Variants in SCHIP1 observed in about 807,000 individuals in gnomAD.
The protein encoded by SCHIP1 is schwannomin-interacting protein 1.
Under a neutral mutation model 29.7 loss-of-function variants are expected in SCHIP1, and 8 were observed. That is an observed-to-expected ratio of 0.27 (90% confidence interval 0.16 to 0.49). The LOEUF (loss-of-function observed/expected upper bound fraction) is 0.49. Among genes scored for constraint, SCHIP1 ranks in the 20% least tolerant of loss-of-function variants. The pLI, the probability that SCHIP1 is intolerant of heterozygous loss-of-function variation, is 0.99. For missense variants in SCHIP1, 193 were observed against 294.6 expected (o/e 0.66, Z 2.52); for synonymous variants, 76 against 94.9 (o/e 0.80, Z 1.16).
chr3:159,738,674 A>G, the SCHIP1 span, among the ~76,000 whole-genome samples: 2 of 152,234 alleles, frequency 1.3e-5, no homozygotes, highest in Admixed American at 1.3e-4. Flanking sequence ...ACAACAAACA[A>G]AATATATTGT....
At chr3:159,618,910 T>C in the SCHIP1 span, among the ~76,000 whole-genome samples, 2 of 152,206 alleles carry the variant, frequency 1.3e-5, no homozygotes, top group Non-Finnish European at 2.9e-5. Flanking sequence ...TCCCCTTTGA[T>C]TGGCCAAATA....
At chr3:159,556,330 C>T in the SCHIP1 span, among the ~76,000 whole-genome samples, 1 of 152,190 alleles carries the variant, frequency 6.6e-6, no homozygotes, top group African/African-American at 2.4e-5. Context: ...GGACTGTAAA[C>T]TAGTTCAACC....
the SCHIP1 span, among the ~76,000 whole-genome samples, chr3:159,505,046 G>C: frequency 6.6e-6 from 1 of 152,186 alleles, no homozygotes; most frequent in Non-Finnish European, 1.5e-5. Flanking sequence ...CATCTGCAAA[G>C]ACCAGGAAGA....
chr3:159,748,921 T>C, the SCHIP1 span, among the ~76,000 whole-genome samples: 8 of 152,316 alleles, frequency 5.3e-5, no homozygotes, highest in Admixed American at 5.2e-4. Context: ...TTTTTTACAA[T>C]AGTTACCAAT....
At chr3:159,360,886 T>C in the SCHIP1 span, among the ~76,000 whole-genome samples, 1 of 152,212 alleles carries the variant, frequency 6.6e-6, no homozygotes, top group Admixed American at 6.5e-5. Flanking sequence ...GTCTCTACTC[T>C]CAAGAGGCAA....
At chr3:159,527,027 C>T in the SCHIP1 span, among the ~76,000 whole-genome samples, 3 of 152,206 alleles carry the variant, frequency 2.0e-5, no homozygotes, top group Non-Finnish European at 2.9e-5. Context: ...GACATACACA[C>T]AGTCATATCT....
chr3:159,443,669 C>T, the SCHIP1 span, among the ~76,000 whole-genome samples: 1 of 152,102 alleles, frequency 6.6e-6, no homozygotes, highest in Non-Finnish European at 1.5e-5. Flanking sequence ...CCACCATGCC[C>T]AGCTAATTTT....
the SCHIP1 span, among the ~76,000 whole-genome samples, chr3:159,449,199 A>G: frequency 6.6e-5 from 10 of 152,118 alleles, no homozygotes; most frequent in African/African-American, 2.2e-4. Flanking sequence ...TTACACTTAA[A>G]TCAATATTTA....
intron 5 of SCHIP1, among the ~76,000 whole-genome samples, chr3:159,889,834 T>C (rs1479259439): frequency 6.6e-6 from 1 of 152,142 alleles, no homozygotes; most frequent in African/African-American, 2.4e-5. Context: ...CGGTGGCTCA[T>C]GCCTGTGATC....
chr3:159,583,220 G>T, the SCHIP1 span, among the ~76,000 whole-genome samples: 1 of 152,058 alleles, frequency 6.6e-6, no homozygotes, highest in Admixed American at 6.6e-5. Flanking sequence ...GGGTATGTAA[G>T]TGACTTTTCT....
the SCHIP1 span, among the ~76,000 whole-genome samples, chr3:159,705,928 G>T: frequency 6.6e-5 from 10 of 151,860 alleles, no homozygotes; most frequent in Non-Finnish European, 1.2e-4. Flanking sequence ...GCTGGTCTCG[G>T]AGTCCTGACC....
chr3:159,376,960 AT>A, the SCHIP1 span, among the ~76,000 whole-genome samples: 1 of 152,194 alleles, frequency 6.6e-6, no homozygotes, highest in Non-Finnish European at 1.5e-5. Flanking sequence ...TATCTGATTA[AT>A]TTTGTAAGCT....
the SCHIP1 span, among the ~76,000 whole-genome samples, chr3:159,478,216 C>A: frequency 4.1e-4 from 63 of 152,124 alleles, no homozygotes; most frequent in African/African-American, 1.5e-3. Context: ...AGCCACCACA[C>A]CCAGCCTTAA....
chr3:159,821,218 C>T, the SCHIP1 span, among the ~76,000 whole-genome samples: 1 of 151,828 alleles, frequency 6.6e-6, no homozygotes, highest in Non-Finnish European at 1.5e-5. Flanking sequence ...AAGACAAAAG[C>T]CTGATTGGAA....
chr3:159,541,990 A>G, the SCHIP1 span, among the ~76,000 whole-genome samples: 8 of 152,120 alleles, frequency 5.3e-5, no homozygotes, highest in Non-Finnish European at 1.0e-4. Flanking sequence ...ATGCTCTAGC[A>G]TGAAAGTGGC....
chr3:159,619,340 C>T, the SCHIP1 span, among the ~76,000 whole-genome samples: 1 of 152,168 alleles, frequency 6.6e-6, no homozygotes, highest in Non-Finnish European at 1.5e-5. Flanking sequence ...TCTCACCAAC[C>T]CTGTGCTTTC....
the SCHIP1 span, among the ~76,000 whole-genome samples, chr3:159,348,250 A>G: frequency 6.6e-6 from 1 of 152,158 alleles, no homozygotes; most frequent in African/African-American, 2.4e-5. Flanking sequence ...CTGCCATCAG[A>G]GAATTTATCA....
At chr3:159,704,981 T>C in the SCHIP1 span, among the ~76,000 whole-genome samples, 1 of 151,686 alleles carries the variant, frequency 6.6e-6, no homozygotes, top group African/African-American at 2.4e-5. Flanking sequence ...TTTGTTTTTT[T>C]AGAGGGAGTC....
the SCHIP1 span, among the ~76,000 whole-genome samples, chr3:159,731,456 A>T: frequency 3.2e-3 from 492 of 152,372 alleles, 3 homozygotes; most frequent in African/African-American, 0.011. Flanking sequence ...GCTCAGGAGT[A>T]GACGAGGCCG....
Sources: allele counts gnomAD v4.1 joint callset (sites outside exome capture counted in the v4.1 genomes callset), GRCh38; gene constraint gnomAD v4.1.1; transcripts MANE v1.5; gene names NCBI Gene and HGNC (gene_info 2026-07-23, HGNC 2026-07-21).